Variants in NAALADL2 observed in about 807,000 individuals in gnomAD.
NAALADL2 encodes the protein inactive N-acetylated-alpha-linked acidic dipeptidase-like protein 2.
NAALADL2 carries 76 observed loss-of-function variants against 87.2 expected under a neutral mutation model. The observed-to-expected ratio is 0.87, with a 90% CI of 0.72 to 1.05. The LOEUF is 1.05. Ranked by LOEUF, NAALADL2 falls within the 50% of genes least tolerant of loss-of-function variation. NAALADL2 has a pLI of 0.00. For missense variants in NAALADL2, 1,089 were observed against 945.8 expected, an observed-to-expected ratio of 1.15 and a Z score of -1.99; for synonymous variants, 354 against 331.0, an observed-to-expected ratio of 1.07 and a Z score of -0.75.
chr3:175,405,599 T>C (rs1335532953), intron 5 of NAALADL2, among the ~76,000 whole-genome samples: 1 of 152,220 alleles, frequency 6.6e-6, no homozygotes, highest in African/African-American at 2.4e-5. Flanking sequence ...CTAATATATT[T>C]TCTTTCAATA....
At chr3:175,558,194 CAAAAA>C (rs71164638) in intron 9 of NAALADL2, among the ~76,000 whole-genome samples, 3 of 82,432 alleles carry the variant, frequency 3.6e-5, no homozygotes, top group African/African-American at 4.6e-5. Context: ...GACCCCGTCT[CAAAAA>C]AAAAAAAAAA....
At chr3:175,684,952 A>G (rs936123399) in intron 11 of NAALADL2, among the ~76,000 whole-genome samples, 2 of 152,216 alleles carry the variant, frequency 1.3e-5, no homozygotes, top group Non-Finnish European at 2.9e-5. Context: ...TTTTTTAATC[A>G]AATGCACAGT....
intron 1 of NAALADL2, among the ~76,000 whole-genome samples, chr3:175,061,299 A>G (rs184156645): frequency 2.0e-5 from 3 of 152,364 alleles, no homozygotes; most frequent in African/African-American, 7.2e-5. Context: ...AATGATTTTA[A>G]GCAGCAAGGA....
At chr3:175,795,107 C>T (rs765892071) in intron 13 of NAALADL2, among the ~76,000 whole-genome samples, 136 of 152,178 alleles carry the variant, frequency 8.9e-4, no homozygotes, top group Non-Finnish European at 1.6e-3. Flanking sequence ...CCCAAGGCTC[C>T]ACTTCCTAAT....
At chr3:175,042,332 T>A (rs1022263558) in intron 1 of NAALADL2, among the ~76,000 whole-genome samples, 5 of 152,210 alleles carry the variant, frequency 3.3e-5, no homozygotes, top group Non-Finnish European at 5.9e-5. Context: ...TCATTTTCTT[T>A]ATCCAGTTGC....
At chr3:174,454,084 A>G (rs1355575953) in intron 1 of NAALADL2, among the ~76,000 whole-genome samples, 1 of 152,180 alleles carries the variant, frequency 6.6e-6, no homozygotes, top group Non-Finnish European at 1.5e-5. Flanking sequence ...AAAACCAGAA[A>G]GGAGAGGTTA....
chr3:175,348,120 T>G (rs1763348439), intron 5 of NAALADL2, among the ~76,000 whole-genome samples: 1 of 152,120 alleles, frequency 6.6e-6, no homozygotes, highest in African/African-American at 2.4e-5. Context: ...AGTGTGATCT[T>G]GGCTCACTGC....
chr3:174,754,142 A>T (rs1711650643), intron 3 of NAALADL2, among the ~76,000 whole-genome samples: 1 of 152,162 alleles, frequency 6.6e-6, no homozygotes, highest in South Asian at 2.1e-4. Flanking sequence ...GCTAACTGTT[A>T]CGTCTTTTTT....
chr3:175,802,327 T>TG (rs200726068), intron 13 of NAALADL2, among the ~76,000 whole-genome samples: 15,268 of 143,830 alleles, frequency 0.11, 1,054 homozygotes, highest in Admixed American at 0.22. Flanking sequence ...TGATTTTTTT[T>TG]TGGGGGGGGA....
intron 3 of NAALADL2, among the ~76,000 whole-genome samples, chr3:174,813,093 G>C (rs982903722): frequency 6.6e-6 from 1 of 151,998 alleles, no homozygotes; most frequent in Non-Finnish European, 1.5e-5. Flanking sequence ...CTCACTCACT[G>C]ACTCACCAGA....
intron 5 of NAALADL2, among the ~76,000 whole-genome samples, chr3:175,341,031 C>T (rs897228282): frequency 6.6e-6 from 1 of 151,708 alleles, no homozygotes; most frequent in African/African-American, 2.4e-5. Flanking sequence ...GATTCACATA[C>T]CATAAAATTC....
At chr3:174,888,799 G>T (rs1288431483) in intron 1 of NAALADL2, among the ~76,000 whole-genome samples, 1 of 152,188 alleles carries the variant, frequency 6.6e-6, no homozygotes. Context: ...GGTGCTGTTT[G>T]AATTGTGTTT....
At chr3:174,577,196 G>A (rs1330606865) in intron 2 of NAALADL2, among the ~76,000 whole-genome samples, 5 of 151,938 alleles carry the variant, frequency 3.3e-5, no homozygotes, top group Non-Finnish European at 7.4e-5. Context: ...TGAATAATGG[G>A]ACATTTCAAA....
chr3:175,346,549 T>C (rs1053587254), intron 5 of NAALADL2, among the ~76,000 whole-genome samples: 8 of 152,168 alleles, frequency 5.3e-5, no homozygotes, highest in African/African-American at 1.9e-4. Flanking sequence ...TTGACTTTTG[T>C]TAATTAACCT....
At chr3:174,870,687 A>G (rs1727726729) in intron 1 of NAALADL2, among the ~76,000 whole-genome samples, 1 of 152,146 alleles carries the variant, frequency 6.6e-6, no homozygotes, top group Non-Finnish European at 1.5e-5. Flanking sequence ...TTTCTTGACC[A>G]CTATATTTTG....
intron 4 of NAALADL2, among the ~76,000 whole-genome samples, chr3:175,272,059 T>C (rs9868933): frequency 0.056 from 8,511 of 152,166 alleles, 478 homozygotes; most frequent in Admixed American, 0.15. Context: ...TAGCCCCTGG[T>C]AAGAAGAAAA....
chr3:175,406,153 C>A (rs190014860), intron 5 of NAALADL2, among the ~76,000 whole-genome samples: 4 of 152,202 alleles, frequency 2.6e-5, no homozygotes, highest in Non-Finnish European at 2.9e-5. Context: ...AAGGTAATAG[C>A]TGCAAAATGA....
intron 1 of NAALADL2, among the ~76,000 whole-genome samples, chr3:175,069,743 C>T (rs1360381209): frequency 6.6e-6 from 1 of 151,920 alleles, no homozygotes; most frequent in East Asian, 1.9e-4. Flanking sequence ...TTCACAATAG[C>T]AAAGACTTGG....
intron 2 of NAALADL2, among the ~76,000 whole-genome samples, chr3:174,712,130 C>A (rs907781417): frequency 1.3e-5 from 2 of 152,080 alleles, no homozygotes; most frequent in Non-Finnish European, 2.9e-5. Context: ...ACTTCTTTCT[C>A]ACCCTTGTCC....
Sources: allele counts gnomAD v4.1 joint callset (sites outside exome capture counted in the v4.1 genomes callset), GRCh38; gene constraint gnomAD v4.1.1; transcripts MANE v1.5; gene names NCBI Gene and HGNC (gene_info 2026-07-23, HGNC 2026-07-21).